Variants in ANXA6 observed in about 807,000 individuals in gnomAD.
The protein encoded by ANXA6 is 67 kDa calelectrin.
In ANXA6, 71 loss-of-function variants were observed where a neutral mutation model predicts 95.4. The observed-to-expected ratio is 0.74, with a 90% CI of 0.61 to 0.91. ANXA6 has a LOEUF of 0.91. Ranked by LOEUF, ANXA6 falls within the 40% of genes least tolerant of loss-of-function variation. The pLI is 0.00. For synonymous variants in ANXA6, 289 were observed against 315.9 expected (o/e 0.91, Z 0.90); for missense variants, 830 against 876.4 (o/e 0.95, Z 0.67).
chr5:151,150,711 C>G (rs1020735006), intron 1 of ANXA6, among the ~76,000 whole-genome samples: 2 of 152,182 alleles, frequency 1.3e-5, no homozygotes, highest in Non-Finnish European at 2.9e-5. Flanking sequence ...GAAACTGTAC[C>G]CCCTTTCCAG....
intron 19 of ANXA6, 70 bp from the exon 20 acceptor site, chr5:151,117,250 A>G (rs2113908269): frequency 7.0e-7 from 1 of 1,429,724 alleles, no homozygotes; most frequent in East Asian, 2.5e-5. Flanking sequence ...ACCACCACAC[A>G]CCCTGCTCAT....
chr5:151,121,925 A>G (rs1362220516), intron 17 of ANXA6, among the ~76,000 whole-genome samples: 1 of 152,202 alleles, frequency 6.6e-6, no homozygotes, highest in African/African-American at 2.4e-5. Context: ...GACAGGGGTG[A>G]GCCAAGGGTC....
Position 151,100,842 on chromosome 5 carries a change from T to C in ANXA6, c.*606A>G. 1 of 454,158 alleles carries C rather than the reference T, an allele frequency of 2.2e-6. No homozygotes were observed. The highest frequency in any genetic ancestry group is 1.5e-5 in the South Asian group (1 of 64,530). The allele number at this position is 454,158 out of a possible 1,614,324, so 28.1% of individuals were successfully genotyped here. A position where few individuals can be genotyped will look rare whatever the true frequency, so the allele number is the denominator to read the frequency against. On this transcript the variant is annotated 3_prime_UTR_variant, in exon 26 of 26. Coordinates refer to ENST00000354546, the MANE Select transcript of ANXA6 (RefSeq NM_001155.5). ...ATTTTTTTGTCCAACTGTCTCATTG[T>C]AGATAAGAAAATAGAGACTCAGGGA...
At chr5:151,126,108 G>A (rs1444629304) in intron 14 of ANXA6, among the ~76,000 whole-genome samples, 3 of 152,146 alleles carry the variant, frequency 2.0e-5, no homozygotes, top group Non-Finnish European at 4.4e-5. Context: ...GAGGCCAACT[G>A]TTTCGACTCC....
chr5:151,110,889 C>T (rs903439051), intron 20 of ANXA6, among the ~76,000 whole-genome samples: 5 of 152,130 alleles, frequency 3.3e-5, no homozygotes, highest in Non-Finnish European at 4.4e-5. Context: ...TAACTAAAAA[C>T]GTGTTCACTT....
chr5:151,132,539 GCTTCCCTGTGGTCTT>G lies in ANXA6; in HGVS notation c.658_672del (p.Lys220_Lys224del). The G allele has an allele frequency of 6.2e-7, 1 of 1,613,408 alleles. No individual in the cohort carries two copies. Among genetic ancestry groups the G allele is most frequent in the Non-Finnish European group, 8.5e-7 (1 of 1,179,718 alleles). On this transcript the variant is annotated inframe_deletion, in exon 10 of 26. Transcript: ENST00000354546. Reference sequence around the variant, plus strand: ...TCCCCTCGGATGCTGGCTTCAATCGGCTTCCCTGTGGTCTTCAGATACTCATCGAACACTGCGTCA... The same window carrying G: ...TCCCCTCGGATGCTGGCTTCAATCGGCAGATACTCATCGAACACTGCGTCA...
chr5:151,135,666 A>C (rs79295233), intron 7 of ANXA6, among the ~76,000 whole-genome samples: 1 of 152,364 alleles, frequency 6.6e-6, no homozygotes, highest in Admixed American at 6.5e-5. Context: ...AGCCCACTGC[A>C]GTCGTGCAGA....
chr5:151,103,324 A>G (rs1400120531), intron 25 of ANXA6, among the ~76,000 whole-genome samples: 1 of 152,186 alleles, frequency 6.6e-6, no homozygotes, highest in Non-Finnish European at 1.5e-5. Flanking sequence ...CTTCCATAAC[A>G]TTGCTTTAAA....
intron 1 of ANXA6, among the ~76,000 whole-genome samples, chr5:151,157,393 G>C (rs1167810287): frequency 6.7e-6 from 1 of 149,978 alleles, no homozygotes; most frequent in Non-Finnish European, 1.5e-5. Context: ...GCTCAGCTCC[G>C]GCGCCCAGGA....
At chr5:151,139,304 AATC>A in intron 4 of ANXA6, 46 bp downstream of exon 4, 3 of 1,361,706 alleles carry the variant, frequency 2.2e-6, no homozygotes, top group Non-Finnish European at 3.1e-6. Context: ...AGGTGAATGA[AATC>A]ATTCTTCCAC....
intron 18 of ANXA6, 57 bp from the exon 19 acceptor site, chr5:151,117,894 G>T (rs1382762021): frequency 1.4e-6 from 2 of 1,463,586 alleles, no homozygotes; most frequent in Non-Finnish European, 1.9e-6. Flanking sequence ...TTGGTTGCGG[G>T]GAGGGAGGTC....
chr5:151,122,252 C>T lies in ANXA6; in HGVS notation c.1242G>A (p.Met414Ile). ...TFKSHFGRDL[M>I]TDLKSEISGD... ...CAGAGATCTCAGACTTCAGGTCAGT[C>T]ATTAAGTCCTGCAAAGGGCAGAGCC... is the stretch of plus-strand genomic sequence containing the variant. The change falls in exon 17 of 26, where the codon ATG becomes ATA. Residue 414 changes from methionine (M) to isoleucine (I), a missense_variant. Coordinates refer to ENST00000354546, the MANE Select transcript of ANXA6 (RefSeq NM_001155.5). 2 of 1,602,742 alleles carry T rather than the reference C, an allele frequency of 1.2e-6. No homozygotes were observed. Among genetic ancestry groups the T allele is most frequent in the South Asian group, 2.2e-5 (2 of 88,898 alleles).
chr5:151,126,561 C>CACACACACACCCCAACACAT, intron 13 of ANXA6, 81 bp from the exon 14 acceptor site: 1 of 1,000,954 alleles, frequency 1.0e-6, no homozygotes, highest in Non-Finnish European at 1.5e-6. Context: ...CACACACACA[C>CACACACACACCCCAACACAT]ACACACACAC....
Position 151,132,574 on chromosome 5 carries a change from G to T in ANXA6, c.641-3C>A. ...GGTCTTCAGATACTCATCGAACACT[G>T]CGTCAGACAGAGAGACAGGGAGGTT... On this transcript the variant is annotated splice_region_variant and splice_polypyrimidine_tract_variant and intron_variant, in intron 9 of 25. Transcript: ENST00000354546. The T allele has an allele frequency of 6.2e-7, 1 of 1,611,500 alleles. No homozygotes were observed. Among genetic ancestry groups the T allele is most frequent in the Non-Finnish European group, 8.5e-7 (1 of 1,178,970 alleles).
chr5:151,136,047 C>T (rs1002039911), intron 7 of ANXA6, among the ~76,000 whole-genome samples: 1 of 152,044 alleles, frequency 6.6e-6, no homozygotes, highest in Admixed American at 6.6e-5. Context: ...GCGGGAGGAG[C>T]GAGTGTGGAG....
At chr5:151,115,451 C>T (rs1032744870) in intron 20 of ANXA6, among the ~76,000 whole-genome samples, 2 of 152,200 alleles carry the variant, frequency 1.3e-5, no homozygotes, top group African/African-American at 4.8e-5. Context: ...CCACTTCTCT[C>T]CTTTTGCGAA....
chr5:151,116,654 CCTTGAGGAACTTACTTTCTAGGCTCGT>C (rs1765007833), intron 20 of ANXA6, among the ~76,000 whole-genome samples: 3 of 152,244 alleles, frequency 2.0e-5, no homozygotes, highest in East Asian at 3.9e-4. Context: ...AGATTCCAGC[CCTTGAGGAACTTACTTTCTAGGCTCGT>C]CCCAGGACAC....
chr5:151,117,753 C>T lies in ANXA6; in HGVS notation c.1518+5G>A, dbSNP rs1765043577. 6.2e-7 allele frequency: 1 copy of T among 1,612,974 alleles called. No homozygotes were observed. The highest frequency in any genetic ancestry group is 1.3e-5 in the African/African-American group (1 of 74,916). ...AGCCGACCTGGGGCCCATGAATTCA[C>T]TCACCGTGGCCAGAGAAATGAGGAT... On this transcript the variant is annotated splice_donor_5th_base_variant and intron_variant, in intron 19 of 25. Transcript: ENST00000354546.
At chr5:151,123,965 TCA>T (rs1342128120) in intron 15 of ANXA6, among the ~76,000 whole-genome samples, 1 of 151,896 alleles carries the variant, frequency 6.6e-6, no homozygotes, top group African/African-American at 2.4e-5. Flanking sequence ...TCACCCAGAG[TCA>T]CACGGTGAGT....
Sources: gnomAD v4.1 joint callset for allele counts (sites outside exome capture counted in the v4.1 genomes callset) on GRCh38, gnomAD v4.1.1 for gene constraint, MANE v1.5 for transcripts, NCBI Gene and HGNC (gene_info 2026-07-23, HGNC 2026-07-21) for gene names.